The following SLIT2 variants were observed in gnomAD, a reference collection of about 807,000 sequenced individuals.
The protein encoded by SLIT2 is slit guidance ligand 2, also known as slit homolog 2 protein.
A neutral mutation model predicts 185.7 loss-of-function variants in SLIT2; 41 were observed. That is an observed-to-expected ratio of 0.22 (90% CI 0.17 to 0.29). The LOEUF (loss-of-function observed/expected upper bound fraction) is 0.29. Among genes scored for constraint, SLIT2 ranks in the 10% least tolerant of loss-of-function variants. The pLI is 1.00. For synonymous variants in SLIT2, 693 were observed against 680.2 expected (o/e 1.02, Z -0.29); for missense variants, 1,571 against 1,909.0 (o/e 0.82, Z 3.30).
intron 4 of SLIT2, among the ~76,000 whole-genome samples, chr4:20,269,732 TG>T (rs1315647050): frequency 2.0e-4 from 30 of 152,092 alleles, no homozygotes; most frequent in Non-Finnish European, 3.5e-4. Context: ...GGATGGTGGG[TG>T]TCCCATATGG....
At chr4:20,375,711 G>C (rs1309730762) in intron 4 of SLIT2, among the ~76,000 whole-genome samples, 1 of 151,566 alleles carries the variant, frequency 6.6e-6, no homozygotes, top group Non-Finnish European at 1.5e-5. Context: ...TAACAACCTG[G>C]TCATTACAAT....
At chr4:20,553,495 G>A (rs557358727) in intron 25 of SLIT2, among the ~76,000 whole-genome samples, 1 of 152,172 alleles carries the variant, frequency 6.6e-6, no homozygotes, top group East Asian at 1.9e-4. Context: ...TAATGCACTC[G>A]GTGTGTTTAC....
intron 4 of SLIT2, among the ~76,000 whole-genome samples, chr4:20,425,713 A>C (rs1728510054): frequency 1.3e-5 from 2 of 152,216 alleles, no homozygotes; most frequent in Non-Finnish European, 2.9e-5. Flanking sequence ...TTAAGCCCCT[A>C]GGAAATGCTT....
intron 6 of SLIT2, among the ~76,000 whole-genome samples, chr4:20,482,353 A>G (rs1360710680): frequency 6.6e-6 from 1 of 152,050 alleles, no homozygotes; most frequent in African/African-American, 2.4e-5. Flanking sequence ...TATTCAATAT[A>G]TGTATATATA....
intron 4 of SLIT2, among the ~76,000 whole-genome samples, chr4:20,312,542 G>A (rs139166470): frequency 9.9e-5 from 15 of 152,108 alleles, no homozygotes; most frequent in Non-Finnish European, 1.8e-4. Flanking sequence ...GGGAGGCTGA[G>A]GCAGGCAGAT....
At chr4:20,457,163 T>C (rs1171317318) in intron 4 of SLIT2, among the ~76,000 whole-genome samples, 1 of 152,064 alleles carries the variant, frequency 6.6e-6, no homozygotes, top group Non-Finnish European at 1.5e-5. Flanking sequence ...ATTTCATGTT[T>C]TATTGACCAC....
chr4:20,555,591 G>A (rs1401405894), intron 26 of SLIT2, among the ~76,000 whole-genome samples: 2 of 152,034 alleles, frequency 1.3e-5, no homozygotes, highest in Non-Finnish European at 2.9e-5. Flanking sequence ...CCAAAAAAAG[G>A]TGATGTAGGA....
chr4:20,510,537 T>C lies in SLIT2; in HGVS notation c.957T>C (p.Ala319=), dbSNP rs1436992124. ...CAATCAAAGTCATCCCTCCTGGAGC[T>C]TTCTCACCATATAAAAAGCTTAGAC... ...QNTIKVIPPG[A]FSPYKKLRRI... Residue 319 remains alanine, a synonymous_variant, in exon 10 of 37, where the codon GCT becomes GCC. Transcript: ENST00000504154. The C allele has an allele frequency of 1.2e-6, 2 of 1,610,478 alleles. No homozygotes were observed. The highest frequency in any genetic ancestry group is 1.7e-5 in the Admixed American group (1 of 59,970).
intron 4 of SLIT2, among the ~76,000 whole-genome samples, chr4:20,303,833 G>A (rs1415616747): frequency 6.6e-6 from 1 of 152,130 alleles, no homozygotes; most frequent in Non-Finnish European, 1.5e-5. Flanking sequence ...CAGCTAGATG[G>A]AATGGCAAAA....
intron 4 of SLIT2, among the ~76,000 whole-genome samples, chr4:20,463,480 T>G (rs1447749226): frequency 3.8e-5 from 4 of 104,568 alleles, no homozygotes; most frequent in Non-Finnish European, 7.6e-5. Context: ...TATATATATA[T>G]ATATATATAT....
intron 4 of SLIT2, among the ~76,000 whole-genome samples, chr4:20,366,302 G>A (rs1432165390): frequency 6.6e-6 from 1 of 152,058 alleles, no homozygotes; most frequent in Non-Finnish European, 1.5e-5. Context: ...GGCATTCACA[G>A]CTCTTAGCTT....
At chr4:20,324,843 T>C (rs1719421192) in intron 4 of SLIT2, among the ~76,000 whole-genome samples, 1 of 152,196 alleles carries the variant, frequency 6.6e-6, no homozygotes, top group African/African-American at 2.4e-5. Context: ...TGTATGCATA[T>C]GTCCAAATTC....
rs576787815 is a variant in SLIT2 at position 20,549,891 on chromosome 4, A to T, written c.2489+763A>T. 2.6e-5 allele frequency among the ~76,000 whole-genome samples: 4 copies of T among 152,168 alleles called. No homozygotes were observed. The East Asian group carries it at 7.7e-4, about 29-fold the overall frequency. On this transcript the variant is annotated intron_variant, in intron 24 of 36. Coordinates refer to ENST00000504154, the MANE Select transcript of SLIT2 (RefSeq NM_004787.4). ...TTTACTGTGATTTGGTTTAATTTCAAATTTTAATGAGTACTATACAGTACT... is the reference window on the plus strand; with the variant it reads ...TTTACTGTGATTTGGTTTAATTTCATATTTTAATGAGTACTATACAGTACT...
chr4:20,322,091 A>G (rs898086122), intron 4 of SLIT2, among the ~76,000 whole-genome samples: 5 of 152,156 alleles, frequency 3.3e-5, no homozygotes, highest in Non-Finnish European at 7.3e-5. Context: ...TACTCAGTAC[A>G]GGCCAGCCAG....
intron 4 of SLIT2, among the ~76,000 whole-genome samples, chr4:20,343,965 C>G (rs1368489399): frequency 6.6e-6 from 1 of 152,022 alleles, no homozygotes; most frequent in Non-Finnish European, 1.5e-5. Context: ...ATTCTCCTGC[C>G]TCAGCCGCTC....
chr4:20,445,221 G>C (rs6834573), intron 4 of SLIT2, among the ~76,000 whole-genome samples: 35,585 of 152,092 alleles, frequency 0.23, 4,311 homozygotes, highest in Non-Finnish European at 0.27. Context: ...TTCAGTAATT[G>C]AATGTGCTTG....
At chr4:20,367,074 C>CGT (rs1044369210) in intron 4 of SLIT2, among the ~76,000 whole-genome samples, 1 of 152,116 alleles carries the variant, frequency 6.6e-6, no homozygotes, top group Non-Finnish European at 1.5e-5. Context: ...GTTGAGATTA[C>CGT]AGGCATGAAC....
chr4:20,604,904 C>T (rs1198957714), intron 33 of SLIT2, among the ~76,000 whole-genome samples: 5 of 151,312 alleles, frequency 3.3e-5, no homozygotes, highest in African/African-American at 9.7e-5. Flanking sequence ...GGCACAATCT[C>T]GCCTCACTGC....
intron 4 of SLIT2, among the ~76,000 whole-genome samples, chr4:20,425,225 T>G (rs1162009054): frequency 3.3e-5 from 5 of 152,208 alleles, no homozygotes; most frequent in Non-Finnish European, 7.4e-5. Flanking sequence ...TTTAATTTTT[T>G]CACAAAGTTT....
Sources: allele counts gnomAD v4.1 joint callset (sites outside exome capture counted in the v4.1 genomes callset), GRCh38; gene constraint gnomAD v4.1.1; transcripts MANE v1.5; gene names NCBI Gene and HGNC (gene_info 2026-07-23, HGNC 2026-07-21).